The following SYT1 variants were observed in gnomAD, a reference collection of about 807,000 sequenced individuals.
SYT1 encodes the protein synaptotagmin 1.
Under a neutral mutation model 44.8 loss-of-function variants are expected in SYT1, and 8 were observed. The ratio of observed to expected loss-of-function variants is 0.18; its 90% CI spans 0.10 to 0.32. The LOEUF is 0.32. Among genes scored for constraint, SYT1 ranks in the 10% least tolerant of loss-of-function variants. The probability of loss-of-function intolerance (pLI) is 1.00; values close to 1 mark genes in which losing one functional copy is unlikely to be tolerated. For synonymous variants in SYT1, 154 were observed against 188.8 expected (o/e 0.82, Z 1.51); for missense variants, 286 against 509.3 (o/e 0.56, Z 4.22).
intron 8 of SYT1, among the ~76,000 whole-genome samples, chr12:79,300,991 A>G (rs1880124681): frequency 6.6e-6 from 1 of 151,204 alleles, no homozygotes; most frequent in South Asian, 2.1e-4. Flanking sequence ...AATGTTACAG[A>G]CATCTTCATG....
chr12:79,134,859 G>A (rs1368235300), intron 3 of SYT1, among the ~76,000 whole-genome samples: 1 of 151,776 alleles, frequency 6.6e-6, no homozygotes, highest in African/African-American at 2.4e-5. Context: ...TTGGTCTAAG[G>A]GTGCAAACTT....
At chr12:79,222,489 C>A (rs557232615) in intron 4 of SYT1, among the ~76,000 whole-genome samples, 4 of 152,040 alleles carry the variant, frequency 2.6e-5, no homozygotes, top group Admixed American at 2.0e-4. Flanking sequence ...TCAAGCAATT[C>A]TCCTGCCTCA....
In SYT1 at chr12:79,432,210, CT is replaced by C. The variant is rs1007402484; in HGVS notation, c.929-11852del. On this transcript the variant is annotated intron_variant, in intron 9 of 10. Transcript: ENST00000261205. ...GATCTTAAAAAAATTGTCATTTTTT[CT>C]TTTTTTTTTTAATTATTATACTTTA... 6.1e-3 allele frequency among the ~76,000 whole-genome samples: 885 copies of C among 145,170 alleles called. 4 individuals are homozygous for C. Among genetic ancestry groups the C allele is most frequent in the African/African-American group, 0.018 (698 of 39,662 alleles).
At chr12:79,098,348 C>G (rs1878265536) in intron 3 of SYT1, among the ~76,000 whole-genome samples, 1 of 151,932 alleles carries the variant, frequency 6.6e-6, no homozygotes, top group Non-Finnish European at 1.5e-5. Context: ...CATCTACTAA[C>G]AAAATTTTTT....
At chr12:79,420,506 G>A (rs1869040797) in intron 9 of SYT1, among the ~76,000 whole-genome samples, 1 of 152,106 alleles carries the variant, frequency 6.6e-6, no homozygotes, top group South Asian at 2.1e-4. Flanking sequence ...TAGAAGGACA[G>A]ACAATATAAC....
chr12:79,315,714 T>A (rs1881050204), intron 8 of SYT1, among the ~76,000 whole-genome samples: 1 of 152,174 alleles, frequency 6.6e-6, no homozygotes, highest in African/African-American at 2.4e-5. Flanking sequence ...CACTCCTTAT[T>A]ACCATTTCTA....
chr12:79,179,520 TATATAG>T (rs145039259), intron 3 of SYT1, among the ~76,000 whole-genome samples: 73 of 11,936 alleles, frequency 6.1e-3, no homozygotes, highest in African/African-American at 0.03. Flanking sequence ...TAGATATATC[TATATAG>T]ATATAGATAT....
At chr12:79,200,103 A>G (rs1873692333) in intron 3 of SYT1, among the ~76,000 whole-genome samples, 1 of 152,142 alleles carries the variant, frequency 6.6e-6, no homozygotes. Context: ...GTAGAATAGA[A>G]GAGAGATGAA....
At chr12:78,938,606 C>CCAAG (rs1299393932) in intron 1 of SYT1, among the ~76,000 whole-genome samples, 1 of 152,094 alleles carries the variant, frequency 6.6e-6, no homozygotes, top group Non-Finnish European at 1.5e-5. Flanking sequence ...AGTAAGCATG[C>CCAAG]CAAGCATACT....
intron 2 of SYT1, among the ~76,000 whole-genome samples, chr12:79,039,491 C>G (rs185482381): frequency 6.6e-6 from 1 of 151,992 alleles, no homozygotes; most frequent in Admixed American, 6.6e-5. Context: ...TTTATACATG[C>G]AAGAAATAGA....
At chr12:78,954,528 CAGAGAGAGAG>C (rs879698866) in intron 1 of SYT1, among the ~76,000 whole-genome samples, 3 of 150,092 alleles carry the variant, frequency 2.0e-5, no homozygotes, top group Non-Finnish European at 4.5e-5. Flanking sequence ...CATGGAACAT[CAGAGAGAGAG>C]AGAGAAAGAG....
At chr12:78,900,923 G>C (rs1875627240) in intron 1 of SYT1, among the ~76,000 whole-genome samples, 1 of 152,052 alleles carries the variant, frequency 6.6e-6, no homozygotes, top group Non-Finnish European at 1.5e-5. Flanking sequence ...CAGAACACTA[G>C]AGGCAATTAA....
intron 1 of SYT1, among the ~76,000 whole-genome samples, chr12:78,975,218 G>A (rs1868737023): frequency 6.6e-6 from 1 of 151,572 alleles, no homozygotes; most frequent in Admixed American, 6.6e-5. Context: ...ACTCTTCAAG[G>A]GTCTTTACCT....
chr12:79,247,224 T>C (rs1876903570), intron 4 of SYT1, among the ~76,000 whole-genome samples: 1 of 152,164 alleles, frequency 6.6e-6, no homozygotes, highest in Admixed American at 6.5e-5. Context: ...AAAAGTCAAG[T>C]ATGATGAGGC....
chr12:79,046,355 TTATTA>T (rs1305860275), intron 2 of SYT1: 2 of 152,048 alleles, frequency 1.3e-5, no homozygotes, highest in African/African-American at 4.8e-5. Context: ...AGTAACATAC[TTATTA>T]TAAGACCTAT....
chr12:78,870,908 G>T (rs1376000984), intron 1 of SYT1, among the ~76,000 whole-genome samples: 1 of 152,018 alleles, frequency 6.6e-6, no homozygotes, highest in Non-Finnish European at 1.5e-5. Flanking sequence ...ATGCAGAGCT[G>T]TACTTACGTG....
chr12:79,384,539 AT>A (rs1884353137), intron 9 of SYT1, among the ~76,000 whole-genome samples: 1 of 152,200 alleles, frequency 6.6e-6, no homozygotes, highest in African/African-American at 2.4e-5. Flanking sequence ...ATGTATGTGA[AT>A]TCAGCAAAAC....
In SYT1 at chr12:78,877,132, G is replaced by A. The variant is rs145216285; in HGVS notation, c.-217+12023G>A. ...TCACGCTGCTAATAAAGACATACCCGAGACTGGGCAACTTATAAAGGAAAG... is the reference window on the plus strand; with the variant it reads ...TCACGCTGCTAATAAAGACATACCCAAGACTGGGCAACTTATAAAGGAAAG... On this transcript the variant is annotated intron_variant, in intron 1 of 10. Coordinates refer to ENST00000261205, the MANE Select transcript of SYT1 (RefSeq NM_005639.3). 4.2e-4 allele frequency among the ~76,000 whole-genome samples: 63 copies of A among 150,260 alleles called. No homozygotes were observed. The East Asian group carries it at 4.4e-3, about 10-fold the overall frequency.
At chr12:79,306,100 G>A (rs1477739112) in intron 8 of SYT1, among the ~76,000 whole-genome samples, 1 of 152,188 alleles carries the variant, frequency 6.6e-6, no homozygotes, top group Admixed American at 6.5e-5. Context: ...GAGAGTGCAA[G>A]GATATTGTCT....
Sources: gnomAD v4.1 joint callset for allele counts (sites outside exome capture counted in the v4.1 genomes callset) on GRCh38, gnomAD v4.1.1 for gene constraint, MANE v1.5 for transcripts, NCBI Gene and HGNC (gene_info 2026-07-23, HGNC 2026-07-21) for gene names.